HIVEP3: variants seen among roughly 807,000 people sequenced by gnomAD.
The protein encoded by HIVEP3 is HIVEP zinc finger 3.
HIVEP3 carries 49 observed loss-of-function variants against 152.8 expected under a neutral mutation model. That is an observed-to-expected ratio of 0.32 (90% CI 0.26 to 0.41). The LOEUF (loss-of-function observed/expected upper bound fraction) is 0.41, where lower values mean the gene tolerates loss of function less well. Among genes scored for constraint, HIVEP3 ranks in the 10% least tolerant of loss-of-function variants. The pLI is 1.00. For synonymous variants in HIVEP3, 1,269 were observed against 1,289.0 expected (o/e 0.98, Z 0.33); for missense variants, 2,790 against 3,103.3 (o/e 0.90, Z 2.40).
At chr1:41,815,083 G>A (rs1447701096) in intron 1 of HIVEP3, among the ~76,000 whole-genome samples, 1 of 152,152 alleles carries the variant, frequency 6.6e-6, no homozygotes, top group African/African-American at 2.4e-5. Flanking sequence ...AAAACAGGAT[G>A]GCCTGGGGAT....
At chr1:42,008,597 T>C (rs901610289) in intron 1 of HIVEP3, among the ~76,000 whole-genome samples, 3 of 152,358 alleles carry the variant, frequency 2.0e-5, no homozygotes, top group African/African-American at 4.8e-5. Context: ...TCTTGATCAT[T>C]TGTTGTTTGG....
chr1:41,545,003 C>CT (rs1433355724), intron 5 of HIVEP3, among the ~76,000 whole-genome samples: 1 of 98,814 alleles, frequency 1.0e-5, no homozygotes, highest in Non-Finnish European at 2.2e-5. Flanking sequence ...TCGCTACCAT[C>CT]ACCACCACCA....
chr1:41,666,742 T>C (rs1645802155), intron 2 of HIVEP3, among the ~76,000 whole-genome samples: 1 of 152,126 alleles, frequency 6.6e-6, no homozygotes, highest in Non-Finnish European at 1.5e-5. Context: ...AGCTTACCCC[T>C]GCAATCCATT....
intron 1 of HIVEP3, among the ~76,000 whole-genome samples, chr1:41,814,882 G>A (rs958532283): frequency 2.0e-5 from 3 of 152,204 alleles, no homozygotes; most frequent in Non-Finnish European, 4.4e-5. Flanking sequence ...CATTTACTGA[G>A]TGTAAAAGGC....
intron 1 of HIVEP3, among the ~76,000 whole-genome samples, chr1:41,839,208 A>T (rs1643214048): frequency 6.6e-6 from 1 of 152,124 alleles, no homozygotes; most frequent in African/African-American, 2.4e-5. Flanking sequence ...AGCCCTGAGA[A>T]GGTCTCTGGC....
intron 4 of HIVEP3, among the ~76,000 whole-genome samples, chr1:41,578,333 C>A (rs114743786): frequency 6.6e-6 from 1 of 152,114 alleles, no homozygotes; most frequent in Non-Finnish European, 1.5e-5. Context: ...TAGTAAGAGA[C>A]GCTGAAGAGG....
intron 1 of HIVEP3, among the ~76,000 whole-genome samples, chr1:41,837,661 C>T (rs1394899819): frequency 6.6e-6 from 1 of 152,150 alleles, no homozygotes; most frequent in Non-Finnish European, 1.5e-5. Context: ...CTGTTAGCAC[C>T]GGACATTGCC....
intron 1 of HIVEP3, among the ~76,000 whole-genome samples, chr1:41,810,318 G>C (rs751533538): frequency 6.6e-6 from 1 of 152,186 alleles, no homozygotes; most frequent in Non-Finnish European, 1.5e-5. Flanking sequence ...GAAGAAGTGC[G>C]ATCAACCACT....
At chr1:41,825,271 G>A (rs1642765908) in intron 1 of HIVEP3, among the ~76,000 whole-genome samples, 1 of 152,036 alleles carries the variant, frequency 6.6e-6, no homozygotes, top group Non-Finnish European at 1.5e-5. Context: ...GGCGGGGAGG[G>A]CATATTGTCA....
intron 1 of HIVEP3, among the ~76,000 whole-genome samples, chr1:41,953,651 C>T (rs1195938542): frequency 6.6e-6 from 1 of 152,128 alleles, no homozygotes; most frequent in East Asian, 1.9e-4. Context: ...TGAATGAGTA[C>T]ATGAATGAAT....
At chr1:41,639,920 C>T (rs910670023) in intron 2 of HIVEP3, among the ~76,000 whole-genome samples, 6 of 152,132 alleles carry the variant, frequency 3.9e-5, no homozygotes, top group African/African-American at 1.4e-4. Flanking sequence ...ACAAGACCTG[C>T]TTTGAGGATA....
At chr1:42,008,787 C>T (rs1364883052) in intron 1 of HIVEP3, among the ~76,000 whole-genome samples, 2 of 152,222 alleles carry the variant, frequency 1.3e-5, no homozygotes, top group African/African-American at 4.8e-5. Context: ...CAATACTTTT[C>T]ATAATAACAT....
chr1:41,629,528 A>C (rs1381796476), intron 2 of HIVEP3, among the ~76,000 whole-genome samples: 1 of 152,226 alleles, frequency 6.6e-6, no homozygotes, highest in East Asian at 1.9e-4. Context: ...CTGTGCATCC[A>C]ACGAAGATCT....
chr1:41,739,255 G>A (rs546448418), intron 1 of HIVEP3, among the ~76,000 whole-genome samples: 24 of 152,342 alleles, frequency 1.6e-4, no homozygotes, highest in Non-Finnish European at 2.5e-4. Flanking sequence ...CAGAGCAGCC[G>A]GTGGCAAACG....
chr1:41,933,062 AGGT>A (rs1382988336), intron 1 of HIVEP3, among the ~76,000 whole-genome samples: 1 of 151,872 alleles, frequency 6.6e-6, no homozygotes, highest in Admixed American at 6.6e-5. Context: ...TAGTCTTTTA[AGGT>A]TGTTAAGTTT....
At chr1:41,702,290 A>T (rs1162859231) in intron 1 of HIVEP3, among the ~76,000 whole-genome samples, 1 of 152,186 alleles carries the variant, frequency 6.6e-6, no homozygotes, top group Non-Finnish European at 1.5e-5. Flanking sequence ...AACCTTGAGA[A>T]GCCTTTCCTT....
At chr1:41,758,156 C>T (rs1647438710) in intron 1 of HIVEP3, among the ~76,000 whole-genome samples, 2 of 152,236 alleles carry the variant, frequency 1.3e-5, no homozygotes, top group South Asian at 4.1e-4. Context: ...TGGATGACAT[C>T]CAACCAAGGC....
chr1:41,682,027 T>C (rs937124471), intron 2 of HIVEP3, among the ~76,000 whole-genome samples: 1 of 152,040 alleles, frequency 6.6e-6, no homozygotes, highest in Admixed American at 6.5e-5. Flanking sequence ...TTGGAAAAGC[T>C]CTTCCCCAAG....
intron 1 of HIVEP3, chr1:41,847,617 A>T (rs972361553): frequency 6.6e-6 from 1 of 152,244 alleles, no homozygotes; most frequent in African/African-American, 2.4e-5. Flanking sequence ...ATTTAACTGA[A>T]AAAAGAAAAG....
Sources: gnomAD v4.1 joint callset for allele counts (sites outside exome capture counted in the v4.1 genomes callset) on GRCh38, gnomAD v4.1.1 for gene constraint, MANE v1.5 for transcripts, NCBI Gene and HGNC (gene_info 2026-07-23, HGNC 2026-07-21) for gene names.